The following FBXO7 variants were observed in gnomAD, a reference collection of about 807,000 sequenced individuals.
FBXO7 encodes F-box protein 7, also known as F-box only protein 7.
In FBXO7, 31 loss-of-function variants were observed where a neutral mutation model predicts 50.2. The observed-to-expected ratio is 0.62, with a 90% confidence interval of 0.46 to 0.83. The LOEUF is 0.83. Ranked by LOEUF, FBXO7 falls within the 40% of genes least tolerant of loss-of-function variation. The pLI is 0.00. For synonymous variants in FBXO7, 256 were observed against 253.1 expected (o/e 1.01, Z -0.11); for missense variants, 667 against 646.6 (o/e 1.03, Z -0.34).
At position 32,498,601 on chromosome 22, in the gene FBXO7, G is replaced by A. The variant is rs1293745344; in HGVS notation, c.*71G>A. ...AAACTACAGATGTCAACTCCTTGGGGTGCTGATCTCGAGTGTTATTTTCTG... is the reference window on the plus strand; with the variant it reads ...AAACTACAGATGTCAACTCCTTGGGATGCTGATCTCGAGTGTTATTTTCTG... On this transcript the variant is annotated 3_prime_UTR_variant, in exon 9 of 9. Coordinates refer to ENST00000266087, the MANE Select transcript of FBXO7 (RefSeq NM_012179.4). 2 of 1,517,396 alleles carry A rather than the reference G, an allele frequency of 1.3e-6. No individual in the cohort carries two copies. Among genetic ancestry groups the A allele is most frequent in the African/African-American group, 1.4e-5 (1 of 73,016 alleles). The allele number at this position is 1,517,396 out of a possible 1,614,324, so 94.0% of individuals were successfully genotyped here.
chr22:32,484,092 C>T lies in FBXO7; in HGVS notation c.613C>T (p.Leu205Phe), dbSNP rs2057483001. Residue 205 changes from leucine to phenylalanine, a missense_variant, in exon 3 of 9, where the codon CTT becomes TTT. Coordinates refer to ENST00000266087, the MANE Select transcript of FBXO7 (RefSeq NM_012179.4). ...ANDALIVLIH[L>F]LMLESGYIPQ... ...TGATGCCTTGATAGTGTTGATACAT[C>T]TTCTCATGTTGGAGTCAGGTTACAT... 2.5e-6 allele frequency: 4 copies of T among 1,614,174 alleles called. No homozygotes were observed. Among genetic ancestry groups the T allele is most frequent in the African/African-American group, 1.3e-5 (1 of 75,048 alleles).
At chr22:32,475,246 C>A in intron 1 of FBXO7, 122 bp downstream of exon 1, 1 of 1,536,180 alleles carries the variant, frequency 6.5e-7, no homozygotes, top group Admixed American at 2.1e-5. Flanking sequence ...AGGCCAAGTG[C>A]GGGGACGCCG....
intron 2 of FBXO7, among the ~76,000 whole-genome samples, chr22:32,480,663 AT>A (rs1460946000): frequency 6.9e-6 from 1 of 145,976 alleles, no homozygotes; most frequent in Non-Finnish European, 1.5e-5. Flanking sequence ...ATGCCTCCTC[AT>A]TTTTCCCACC....
At chr22:32,475,400 T>G in intron 1 of FBXO7, 2 of 1,611,042 alleles carry the variant, frequency 1.2e-6, no homozygotes, top group Non-Finnish European at 8.5e-7. Flanking sequence ...CCCTCCTCGG[T>G]GAGTCATGGC....
At chr22:32,496,108 T>A (rs2057572672) in intron 8 of FBXO7, among the ~76,000 whole-genome samples, 1 of 152,218 alleles carries the variant, frequency 6.6e-6, no homozygotes, top group Admixed American at 6.5e-5. Flanking sequence ...CTGACTCTTT[T>A]GTTAGGGGCT....
intron 2 of FBXO7, among the ~76,000 whole-genome samples, chr22:32,480,004 G>A (rs1168920728): frequency 1.3e-5 from 2 of 152,190 alleles, no homozygotes; most frequent in Non-Finnish European, 2.9e-5. Context: ...AAATATGTGT[G>A]CTCAGTTCCC....
chr22:32,486,612 C>T (rs2057500452), intron 4 of FBXO7, among the ~76,000 whole-genome samples: 1 of 152,166 alleles, frequency 6.6e-6, no homozygotes, highest in African/African-American at 2.4e-5. Flanking sequence ...GCTGGGATTA[C>T]AGGTGTGAAC....
chr22:32,486,453 C>G (rs5749449), intron 4 of FBXO7, among the ~76,000 whole-genome samples: 63,267 of 151,864 alleles, frequency 0.42, 13,684 homozygotes, highest in East Asian at 0.69. Context: ...CCTCCTTGGC[C>G]TCCTGAGTAG....
At chr22:32,490,103 TTTTA>T (rs2057524587) in intron 5 of FBXO7, 1 of 152,202 alleles carries the variant, frequency 6.6e-6, no homozygotes, top group Non-Finnish European at 1.5e-5. Flanking sequence ...ATACTGAGTG[TTTTA>T]TTTGTTATAG....
In FBXO7 at chr22:32,498,758, T is replaced by A; in HGVS notation, c.*228T>A. On this transcript the variant is annotated 3_prime_UTR_variant, in exon 9 of 9. Coordinates refer to ENST00000266087, the MANE Select transcript of FBXO7 (RefSeq NM_012179.4). The stretch of plus-strand genomic sequence containing the variant: ...AATAGTTGGCTGCCAATCTCCCTGC[T>A]CTTGGTTCTCCTCTAGATTGAAGTT... The A allele has an allele frequency of 1.7e-6, 1 of 585,780 alleles. No homozygotes were observed. The highest frequency in any genetic ancestry group is 3.0e-6 in the Non-Finnish European group (1 of 329,566). The allele number at this position is 585,780 out of a possible 1,614,324, so 36.3% of individuals were successfully genotyped here.
At chr22:32,488,909 C>G (rs1290498054) in intron 5 of FBXO7, 1 of 152,162 alleles carries the variant, frequency 6.6e-6, no homozygotes, top group Non-Finnish European at 1.5e-5. Context: ...CTCCTGGGTT[C>G]AAGCAATTCT....
intron 1 of FBXO7, among the ~76,000 whole-genome samples, chr22:32,477,026 C>T (rs1018230868): frequency 3.3e-5 from 5 of 152,248 alleles, no homozygotes; most frequent in African/African-American, 9.6e-5. Flanking sequence ...ACAAATGACC[C>T]ATAAACACAT....
At chr22:32,493,007 C>G in intron 6 of FBXO7, 98 bp from the exon 7 acceptor site, 1 of 1,198,874 alleles carries the variant, frequency 8.3e-7, no homozygotes, top group Non-Finnish European at 1.2e-6. Flanking sequence ...TTTTCTGTCA[C>G]TTTAGAAAGG....
intron 2 of FBXO7, among the ~76,000 whole-genome samples, chr22:32,482,009 T>C (rs1314339059): frequency 6.6e-6 from 1 of 151,954 alleles, no homozygotes; most frequent in East Asian, 1.9e-4. Context: ...GATTTTGATA[T>C]CTCCCTCTCA....
chr22:32,497,624 T>G (rs1475374212), intron 8 of FBXO7, among the ~76,000 whole-genome samples: 1 of 152,236 alleles, frequency 6.6e-6, no homozygotes, highest in Non-Finnish European at 1.5e-5. Flanking sequence ...TTTGAGAAGG[T>G]TGACTCTGAT....
intron 7 of FBXO7, among the ~76,000 whole-genome samples, chr22:32,494,275 T>G (rs779150601): frequency 1.2e-4 from 18 of 152,200 alleles, no homozygotes; most frequent in Non-Finnish European, 2.5e-4. Flanking sequence ...CCCCTGAATT[T>G]GACATTTAAA....
At chr22:32,491,031 G>A in intron 5 of FBXO7, 55 bp from the exon 6 acceptor site, 1 of 1,212,772 alleles carries the variant, frequency 8.2e-7, no homozygotes, top group Non-Finnish European at 1.2e-6. Context: ...CAGAAATAGA[G>A]GACAGTTTTT....
chr22:32,477,669 TCTAA>T (rs1267995120), intron 1 of FBXO7, among the ~76,000 whole-genome samples: 1 of 152,228 alleles, frequency 6.6e-6, no homozygotes, highest in Non-Finnish European at 1.5e-5. Flanking sequence ...ATAATACTCC[TCTAA>T]CTTTTTGTGA....
rs559238569 is a variant in FBXO7 at position 32,493,041 on chromosome 22, A to G, written c.968-64A>G. The G allele has an allele frequency of 1.0e-4, 151 of 1,501,342 alleles. 1 individual carries two copies. The South Asian group carries it at 1.5e-3, about 15-fold the overall frequency. 93.0% of individuals were successfully genotyped at this position (1,501,342 alleles called of 1,614,324 possible). On this transcript the variant is annotated intron_variant, in intron 6 of 8. Transcript: ENST00000266087. ...GGAACAAGTGGCAACTTTGTTGACT[A>G]TGTGGAGAAAGCCAGATGTTCTTTA...
Sources: allele counts gnomAD v4.1 joint callset (sites outside exome capture counted in the v4.1 genomes callset), GRCh38; gene constraint gnomAD v4.1.1; transcripts MANE v1.5; gene names NCBI Gene and HGNC (gene_info 2026-07-23, HGNC 2026-07-21).